Variants in PDLIM2 observed in about 807,000 individuals in gnomAD.
PDLIM2 encodes PDZ and LIM domain protein 2.
PDLIM2 carries 51 observed loss-of-function variants against 54.1 expected under a neutral mutation model. That is an observed-to-expected ratio of 0.94 (90% CI 0.75 to 1.19). PDLIM2 has a LOEUF of 1.19. Ranked by LOEUF, PDLIM2 falls within the 50% of genes most tolerant of loss-of-function variation. PDLIM2 has a pLI of 0.00. For synonymous variants in PDLIM2, 398 were observed against 385.6 expected (o/e 1.03, Z -0.38); for missense variants, 912 against 874.0 (o/e 1.04, Z -0.55).
chr8:22,587,374 A>G (rs914309724), intron 6 of PDLIM2, among the ~76,000 whole-genome samples: 8 of 152,164 alleles, frequency 5.3e-5, no homozygotes, highest in Non-Finnish European at 1.0e-4. Context: ...CTCTTTAAAA[A>G]AAATCGCTTA....
intron 8 of PDLIM2, chr8:22,591,141 C>CT (rs1186784414): frequency 1.6e-5 from 4 of 248,372 alleles, no homozygotes; most frequent in Non-Finnish European, 3.2e-5. Context: ...TAGCCCTGGG[C>CT]TTCATCTTCG....
chr8:22,591,532 C>G lies in PDLIM2; in HGVS notation c.1514-19C>G, dbSNP rs780314208. The G allele has an allele frequency of 6.2e-7, 1 of 1,607,966 alleles. No homozygotes were observed. Among genetic ancestry groups the G allele is most frequent in the South Asian group, 1.1e-5 (1 of 90,960 alleles). On this transcript the variant is annotated intron_variant, in intron 8 of 9. Transcript: ENST00000308354. ...TGGTTGGTGGGCTCTCACCACATGT[C>G]TGTCTGCCCTGCCCCCAGGTGGCAC... is the stretch of plus-strand genomic sequence containing the variant.
chr8:22,579,376 C>T (rs1444692259), exon 1 of PDLIM2: 1 of 1,496,450 alleles, frequency 6.7e-7, no homozygotes, highest in Admixed American at 2.1e-5. Context: ...GAGCTGCGCT[C>T]TCCCCGGCCG....
rs546407581 is a variant in PDLIM2, at chr8:22,579,316, C to T, written c.537C>T (p.Leu179=). 37 of 1,424,986 alleles carry T rather than the reference C, an allele frequency of 2.6e-5. No homozygotes were observed. In the East Asian group the frequency reaches 9.1e-4, roughly 35 times the overall value. The allele number at this position is 1,424,986 out of a possible 1,614,324, so 88.3% of individuals were successfully genotyped here. The stretch of plus-strand genomic sequence containing the variant: ...CCCTGTCGGCGCGGAACCCTGGCCT[C>T]GTCCGCGGCCCAGCTCCCTGGAGCC... The change falls in exon 1 of 10, where the codon CTC becomes CTT. Residue 179 remains leucine, a synonymous_variant. Coordinates refer to ENST00000308354, the Ensembl canonical transcript of PDLIM2.
chr8:22,580,611 T>TTGAC lies in PDLIM2; in HGVS notation c.758_761dup (p.Val255AspfsTer28). 1 of 1,614,020 alleles carries TTGAC rather than the reference T, an allele frequency of 6.2e-7. No homozygotes were observed. The highest frequency in any genetic ancestry group is 8.5e-7 in the Non-Finnish European group (1 of 1,179,980). The stretch of plus-strand genomic sequence containing the variant: ...GGTCCTCTCTTCCTCAGGTATGGCG[T>TTGAC]TGACGGTGGATGTGGCCGGGCCAGC... On this transcript the variant is annotated frameshift_variant, in exon 2 of 10. Coordinates refer to ENST00000308354, the Ensembl canonical transcript of PDLIM2. LOFTEE classifies it high-confidence loss of function.
intron 8 of PDLIM2, 109 bp from the exon 8 acceptor site, chr8:22,591,442 T>C (rs1014433054): frequency 1.1e-6 from 1 of 952,264 alleles, no homozygotes; most frequent in Non-Finnish European, 1.7e-6. Context: ...AGCGTGACTT[T>C]AGGGTTTCTC....
At position 22,578,941 on chromosome 8, in the gene PDLIM2, T is replaced by C. The variant is rs996123650; in HGVS notation, c.162T>C (p.Ala54=). The C allele has an allele frequency of 6.5e-6, 8 of 1,238,268 alleles. No homozygotes were observed. In the African/African-American group the frequency reaches 1.2e-4, roughly 19 times the overall value. 76.7% of individuals were successfully genotyped at this position (1,238,268 alleles called of 1,614,324 possible). A position where few individuals can be genotyped will look rare whatever the true frequency, so the allele number is the denominator to read the frequency against. ...CGGGGAGGATGCGGGCACCACCGGC[T>C]GGACGGTCGCAGCCTGCAGGGGGCC... Residue 54 remains alanine (A), a synonymous_variant, in exon 1 of 10, where the codon GCT becomes GCC. Coordinates refer to ENST00000308354, the Ensembl canonical transcript of PDLIM2.
intron 9 of PDLIM2, 130 bp from the exon 9 acceptor site, chr8:22,593,603 A>G (rs13258100): frequency 8.7e-6 from 5 of 574,888 alleles, no homozygotes; most frequent in Admixed American, 3.5e-5. Flanking sequence ...AAAAAAAAAA[A>G]GTCTAGTCTC....
rs757530477 is a variant in PDLIM2, at chr8:22,579,203, C to T, written c.424C>T (p.Arg142Trp). 21 of 1,386,152 alleles carry T rather than the reference C, an allele frequency of 1.5e-5. 1 individual carries two copies. In the Admixed American group the frequency reaches 2.8e-4, roughly 18 times the overall value. The allele number at this position is 1,386,152 out of a possible 1,614,324, so 85.9% of individuals were successfully genotyped here. The change falls in exon 1 of 10, where the codon CGG (arginine) becomes TGG (tryptophan). Residue 142 changes from arginine (R) to tryptophan (W), a missense_variant. Coordinates refer to ENST00000308354, the Ensembl canonical transcript of PDLIM2. Reference sequence around the variant, plus strand: ...TCCCTCCCGGGCCTGGGCGCCCAGCCGGACAGGTGAGCGGCAGCCAGGTGA... The same window carrying T: ...TCCCTCCCGGGCCTGGGCGCCCAGCTGGACAGGTGAGCGGCAGCCAGGTGA...
At chr8:22,591,065 A>G in intron 8 of PDLIM2, 1 of 198,038 alleles carries the variant, frequency 5.0e-6, no homozygotes, top group South Asian at 7.3e-5. Flanking sequence ...CAGCACAGGG[A>G]GAGAGCAGTG....
intron 6 of PDLIM2, among the ~76,000 whole-genome samples, chr8:22,586,913 G>A (rs1013968785): frequency 3.3e-5 from 5 of 152,156 alleles, no homozygotes; most frequent in South Asian, 2.1e-4. Context: ...TGTGGGTCAC[G>A]AGCCCAGAGC....
intron 1 of PDLIM2, chr8:22,579,754 T>C: frequency 2.2e-6 from 1 of 448,280 alleles, no homozygotes. Context: ...CCTGCCTGGA[T>C]TGGCTCCTGG....
intron 7 of PDLIM2, 84 bp from the exon 7 acceptor site, chr8:22,589,512 C>T (rs771918597): frequency 2.0e-6 from 3 of 1,498,474 alleles, no homozygotes; most frequent in African/African-American, 1.4e-5. Context: ...CCCCCTCCCC[C>T]ACGCTCTTCT....
chr8:22,579,768 C>T (rs1273237351), intron 1 of PDLIM2: 3 of 435,436 alleles, frequency 6.9e-6, no homozygotes, highest in Non-Finnish European at 1.2e-5. Context: ...CTCCTGGCTC[C>T]AGAGCTAGAG....
At chr8:22,589,558 C>T in intron 7 of PDLIM2, 38 bp from the exon 7 acceptor site, 3 of 1,586,706 alleles carry the variant, frequency 1.9e-6, no homozygotes, top group Non-Finnish European at 2.6e-6. Context: ...TAAGCTCCGG[C>T]ACGGGACCCT....
At chr8:22,580,440 A>T in intron 1 of PDLIM2, 35 bp from the exon 1 acceptor site, 2 of 1,449,404 alleles carry the variant, frequency 1.4e-6, no homozygotes, top group South Asian at 1.4e-5. Flanking sequence ...GGGCTGAGGG[A>T]GGGAGTTAGC....
intron 1 of PDLIM2, chr8:22,579,570 G>C (rs1800131271): frequency 7.0e-7 from 1 of 1,433,524 alleles, no homozygotes; most frequent in Non-Finnish European, 9.1e-7. Context: ...CTCGGGGACT[G>C]GGGTGGGGGC....
chr8:22,584,557 T>C lies in PDLIM2; in HGVS notation c.996-264T>C, dbSNP rs193023417. The stretch of plus-strand genomic sequence containing the variant: ...AACTCTTGGGCTCAAGTGATCCTCC[T>C]GCCTTGGCTTCCCAAAGCGTTGGGA... On this transcript the variant is annotated intron_variant, in intron 3 of 9. Coordinates refer to ENST00000308354, the Ensembl canonical transcript of PDLIM2. Among the ~76,000 whole-genome samples, 129 of 152,354 alleles carry C rather than the reference T, an allele frequency of 8.5e-4. 1 individual carries two copies. Among genetic ancestry groups the C allele is most frequent in the Middle Eastern group, 6.8e-3 (2 of 294 alleles).
rs2117371456 is a variant in PDLIM2 at position 22,593,406 on chromosome 8, T to A, written c.1632-327T>A. ...GTCCTGGCTAACACGGTAAAACCCG[T>A]CTCTACTAAAAATACAAAAACTTAG... On this transcript the variant is annotated intron_variant, in intron 9 of 9. Coordinates refer to ENST00000308354, the Ensembl canonical transcript of PDLIM2. 1.5e-5 allele frequency: 4 copies of A among 260,744 alleles called. No homozygotes were observed. In the South Asian group the frequency reaches 3.2e-4, roughly 21 times the overall value. The allele number at this position is 260,744 out of a possible 1,614,324, so 16.2% of individuals were successfully genotyped here.
Sources: gnomAD v4.1 joint callset for allele counts (sites outside exome capture counted in the v4.1 genomes callset) on GRCh38, gnomAD v4.1.1 for gene constraint, MANE v1.5 for transcripts, NCBI Gene and HGNC (gene_info 2026-07-23, HGNC 2026-07-21) for gene names.